Variants in GFRA1 observed in about 807,000 individuals in gnomAD.
The protein encoded by GFRA1 is GDNF family receptor alpha 1, also known as GDNF family receptor alpha-1.
A neutral mutation model predicts 51.6 loss-of-function variants in GFRA1; 16 were observed. That is an observed-to-expected ratio of 0.31 (90% CI 0.21 to 0.47). GFRA1 has a LOEUF of 0.47. GFRA1 is among the 20% of genes least tolerant of loss of function. The pLI is 1.00. For missense variants in GFRA1, 530 were observed against 594.3 expected, an observed-to-expected ratio of 0.89 and a Z score of 1.13; for synonymous variants, 270 against 241.3, an observed-to-expected ratio of 1.12 and a Z score of -1.10.
intron 5 of GFRA1, among the ~76,000 whole-genome samples, chr10:116,143,337 A>AG (rs1441480837): frequency 1.3e-5 from 2 of 151,220 alleles, no homozygotes; most frequent in Non-Finnish European, 3.0e-5. Flanking sequence ...TTTTAATTAA[A>AG]AAAAAAAAAG....
intron 5 of GFRA1, among the ~76,000 whole-genome samples, chr10:116,151,245 T>C (rs2420242): frequency 0.15 from 22,781 of 152,272 alleles, 2,078 homozygotes; most frequent in East Asian, 0.2. Context: ...CCTAGGTTCT[T>C]ACTCCTCTCT....
chr10:116,160,410 T>C (rs1959632884), intron 5 of GFRA1, among the ~76,000 whole-genome samples: 1 of 152,266 alleles, frequency 6.6e-6, no homozygotes, highest in African/African-American at 2.4e-5. Context: ...TATGTCTTGT[T>C]TCTGCAATCA....
intron 4 of GFRA1, among the ~76,000 whole-genome samples, chr10:116,251,994 AT>A (rs1303905159): frequency 1.4e-4 from 12 of 87,552 alleles, no homozygotes; most frequent in East Asian, 4.4e-4. Flanking sequence ...TTTTTTTACA[AT>A]TACCAAATAT....
chr10:116,270,921 G>C lies in GFRA1; in HGVS notation c.235C>G (p.Leu79Val). 8 of 1,614,158 alleles carry C rather than the reference G, an allele frequency of 5.0e-6. No homozygotes were observed. The South Asian group carries it at 8.8e-5, about 18-fold the overall frequency. The change falls in exon 3 of 11, where the codon CTG (leucine) becomes GTG (valine). Residue 79 changes from leucine (L) to valine (V), a missense_variant. By Grantham distance (32) the Leu-to-Val change is conservative. Transcript: ENST00000355422. ...KDECRSAMEA[L>V]KQKSLYNCRC... Reference sequence around the variant, plus strand: ...CAGTTGTAGAGCGACTTCTGCTTCAGGGCCTCCATGGCGCTGCGGCACTCA... The same window carrying C: ...CAGTTGTAGAGCGACTTCTGCTTCACGGCCTCCATGGCGCTGCGGCACTCA...
chr10:116,094,501 G>A (rs562219860), intron 7 of GFRA1, among the ~76,000 whole-genome samples: 14 of 152,192 alleles, frequency 9.2e-5, no homozygotes, highest in Admixed American at 2.6e-4. Context: ...ACATCTTGTC[G>A]TGATATTTCT....
intron 4 of GFRA1, among the ~76,000 whole-genome samples, chr10:116,268,633 A>G (rs968298006): frequency 2.4e-4 from 37 of 152,262 alleles, no homozygotes; most frequent in Admixed American, 6.5e-5. Flanking sequence ...GTTACAAACC[A>G]TAATCTCATA....
chr10:116,228,196 A>T (rs2134543953), intron 4 of GFRA1, among the ~76,000 whole-genome samples: 1 of 152,326 alleles, frequency 6.6e-6, no homozygotes, highest in Non-Finnish European at 1.5e-5. Context: ...GTAGTCAGTA[A>T]GCAATTGGCT....
intron 4 of GFRA1, among the ~76,000 whole-genome samples, chr10:116,240,707 G>A (rs1967288104): frequency 6.6e-6 from 1 of 152,168 alleles, no homozygotes; most frequent in Non-Finnish European, 1.5e-5. Flanking sequence ...ACTGCCTGAT[G>A]AAGGAGGGAA....
chr10:116,119,617 T>C (rs1957562517), intron 6 of GFRA1, among the ~76,000 whole-genome samples: 1 of 152,214 alleles, frequency 6.6e-6, no homozygotes, highest in Admixed American at 6.5e-5. Context: ...CTCCTGCGCT[T>C]GCTGCATGTC....
rs1355380525 is a variant in GFRA1 at position 116,066,284 on chromosome 10, TTTAG to T, written c.1198-662_1198-659del. On this transcript the variant is annotated intron_variant, in intron 9 of 10. Coordinates refer to ENST00000355422, the MANE Select transcript of GFRA1 (RefSeq NM_005264.8). The stretch of plus-strand genomic sequence containing the variant: ...TGAGGAAACCACTCACTAGTCACTG[TTTAG>T]GATCACATAGAATCCGGGGCTAAGG... Among the ~76,000 whole-genome samples the T allele has an allele frequency of 3.9e-5, 6 of 152,282 alleles. No individual in the cohort carries two copies. The East Asian group carries it at 1.2e-3, about 29-fold the overall frequency.
chr10:116,238,397 TG>T (rs56246226), intron 4 of GFRA1, among the ~76,000 whole-genome samples: 288 of 152,316 alleles, frequency 1.9e-3, no homozygotes, highest in Non-Finnish European at 2.9e-3. Context: ...TCAAGAGACA[TG>T]GAAGGCCTGC....
At chr10:116,159,172 GTT>G (rs917129339) in intron 5 of GFRA1, among the ~76,000 whole-genome samples, 19 of 152,244 alleles carry the variant, frequency 1.2e-4, no homozygotes, top group African/African-American at 4.3e-4. Flanking sequence ...TGACTTCAGA[GTT>G]ACTAAAGTCA....
intron 4 of GFRA1, among the ~76,000 whole-genome samples, chr10:116,240,433 A>G (rs929521202): frequency 6.6e-6 from 1 of 152,196 alleles, no homozygotes; most frequent in Non-Finnish European, 1.5e-5. Flanking sequence ...TCTTTCTCAT[A>G]AGCTGTAACA....
chr10:116,192,515 G>T (rs1048518396), intron 5 of GFRA1, among the ~76,000 whole-genome samples: 1 of 152,178 alleles, frequency 6.6e-6, no homozygotes, highest in Non-Finnish European at 1.5e-5. Context: ...AAGGGTGAAT[G>T]AATCGTCCAA....
chr10:116,082,766 C>A (rs907275438), intron 9 of GFRA1, among the ~76,000 whole-genome samples: 2 of 152,154 alleles, frequency 1.3e-5, no homozygotes, highest in African/African-American at 4.8e-5. Flanking sequence ...GTGTGAGCCA[C>A]CACACCCAGC....
rs1049132049 is a variant in GFRA1, at chr10:116,188,322, T to C, written c.433+23309A>G. On this transcript the variant is annotated intron_variant, in intron 5 of 10. Transcript: ENST00000355422. ...GCAGTCTCTTTATCTGTGATAAATC[T>C]GTCTTAAAAAGGTGGGCAATAGTGG... is the stretch of plus-strand genomic sequence containing the variant. 3.9e-5 allele frequency among the ~76,000 whole-genome samples: 6 copies of C among 152,346 alleles called. No homozygotes were observed. In the Middle Eastern group the frequency reaches 0.01, roughly 259 times the overall value.
chr10:116,164,790 T>G (rs578201991), intron 5 of GFRA1, among the ~76,000 whole-genome samples: 133 of 152,314 alleles, frequency 8.7e-4, no homozygotes, highest in Non-Finnish European at 1.5e-3. Flanking sequence ...TAGCGGAGTT[T>G]GAGCCCTGCC....
intron 5 of GFRA1, among the ~76,000 whole-genome samples, chr10:116,137,878 T>C (rs1426323901): frequency 6.6e-6 from 1 of 152,184 alleles, no homozygotes; most frequent in Non-Finnish European, 1.5e-5. Context: ...CTTGGCTCAC[T>C]GCAACCTCCA....
rs779520225 is a variant in GFRA1 at position 116,270,816 on chromosome 10, G to A, written c.334+6C>T. ...ACGGGGTGGGGTGGGGAGGTTCCAC[G>A]CGTACCCTGCAGGCTCTGGTACATG... is the stretch of plus-strand genomic sequence containing the variant. On this transcript the variant is annotated splice_donor_region_variant and intron_variant, in intron 3 of 10. Coordinates refer to ENST00000355422, the MANE Select transcript of GFRA1 (RefSeq NM_005264.8). 2.5e-6 allele frequency: 4 copies of A among 1,609,412 alleles called. No individual in the cohort carries two copies. The Admixed American group carries it at 6.7e-5, about 27-fold the overall frequency.
Sources: gnomAD v4.1 joint callset for allele counts (sites outside exome capture counted in the v4.1 genomes callset) on GRCh38, gnomAD v4.1.1 for gene constraint, MANE v1.5 for transcripts, NCBI Gene and HGNC (gene_info 2026-07-23, HGNC 2026-07-21) for gene names.